The following STK31 variants were observed in gnomAD, a reference collection of about 807,000 sequenced individuals.
STK31 encodes the protein serine/threonine-protein kinase 31.
In STK31, 89 loss-of-function variants were observed where a neutral mutation model predicts 129.7. That is an observed-to-expected ratio of 0.69 (90% CI 0.58 to 0.82). The LOEUF (loss-of-function observed/expected upper bound fraction) is 0.82. Among genes scored for constraint, STK31 ranks in the 40% least tolerant of loss-of-function variants. The pLI is 0.00. For missense variants in STK31, 1,187 were observed against 1,176.4 expected, an observed-to-expected ratio of 1.01 and a Z score of -0.13; for synonymous variants, 448 against 395.3, an observed-to-expected ratio of 1.13 and a Z score of -1.58.
chr7:23,724,313 C>T (rs1048547060), intron 4 of STK31, among the ~76,000 whole-genome samples: 1 of 152,128 alleles, frequency 6.6e-6, no homozygotes, highest in African/African-American at 2.4e-5. Flanking sequence ...CAACTCCTTG[C>T]GGAAGGAGGT....
At chr7:23,733,187 A>C (rs1287816514) in intron 6 of STK31, among the ~76,000 whole-genome samples, 3 of 152,228 alleles carry the variant, frequency 2.0e-5, no homozygotes, top group African/African-American at 7.2e-5. Flanking sequence ...TAGGAATTTT[A>C]TGCCTTGAAA....
chr7:23,785,557 G>A lies in STK31; in HGVS notation c.2228G>A (p.Arg743His), dbSNP rs757376596. The A allele has an allele frequency of 3.1e-6, 5 of 1,613,900 alleles. No homozygotes were observed. The highest frequency in any genetic ancestry group is 1.1e-5 in the South Asian group (1 of 91,086). ...CCCATGAAGGAACTTAGCAGCAAGC[G>A]TCCTTTGGTACGTTCTGAGGTTAAT... ...AEPMKELSSK[R>H]PLVRSEVNGQ... Residue 743 changes from arginine (R) to histidine (H), a missense_variant, in exon 18 of 24, where the codon CGT (arginine) becomes CAT (histidine). Arg to His is a conservative substitution (Grantham distance 29). This residue lies in a region of STK31 where 975 missense variants were observed against 934.9 expected (regional missense o/e 1.04). Coordinates refer to ENST00000355870, the MANE Select transcript of STK31 (RefSeq NM_031414.5).
At position 23,729,075 on chromosome 7, in the gene STK31, C is replaced by G; in HGVS notation, c.325-16C>G. ...ATCTGGGGTCAGTATTCGTATTTGT[C>G]TCTTATTTTTTCCAGTGTCTGGTGA... On this transcript the variant is annotated splice_polypyrimidine_tract_variant and intron_variant, in intron 5 of 23. Coordinates refer to ENST00000355870, the MANE Select transcript of STK31 (RefSeq NM_031414.5). 1 of 1,579,186 alleles carries G rather than the reference C, an allele frequency of 6.3e-7. No homozygotes were observed. Among genetic ancestry groups the G allele is most frequent in the Non-Finnish European group, 8.6e-7 (1 of 1,168,150 alleles).
At chr7:23,754,175 A>T in intron 9 of STK31, 140 bp from the exon 10 acceptor site, 1 of 609,634 alleles carries the variant, frequency 1.6e-6, no homozygotes, top group Non-Finnish European at 2.6e-6. Flanking sequence ...ACATGATTTT[A>T]TATAAAGTTT....
intron 8 of STK31, among the ~76,000 whole-genome samples, chr7:23,737,830 T>C (rs1223287236): frequency 6.6e-6 from 1 of 151,870 alleles, no homozygotes; most frequent in Admixed American, 6.6e-5. Context: ...TTCAGAAATT[T>C]TCCCCCCCAG....
At chr7:23,797,579 A>G (rs1016319747) in intron 22 of STK31, among the ~76,000 whole-genome samples, 11 of 152,246 alleles carry the variant, frequency 7.2e-5, no homozygotes, top group Admixed American at 3.3e-4. Flanking sequence ...CAAAGACACA[A>G]TGTACCAGAA....
intron 11 of STK31, among the ~76,000 whole-genome samples, chr7:23,766,205 A>G (rs1344611939): frequency 6.6e-6 from 1 of 152,234 alleles, no homozygotes; most frequent in Non-Finnish European, 1.5e-5. Context: ...GCAAGTTCAA[A>G]GGCCATGTTT....
intron 22 of STK31, among the ~76,000 whole-genome samples, chr7:23,802,094 T>G (rs1157669996): frequency 1.3e-5 from 2 of 152,174 alleles, no homozygotes; most frequent in African/African-American, 4.8e-5. Context: ...AAAGGAAAAA[T>G]AGACCTAAAG....
chr7:23,754,450 G>C lies in STK31; in HGVS notation c.1269G>C (p.Glu423Asp), dbSNP rs1332527536. ...GGGCAGAATACAGTCTGGCTCAGGAGAATATTAAAACTTGTGAATATGTGG... is the reference window on the plus strand; with the variant it reads ...GGGCAGAATACAGTCTGGCTCAGGACAATATTAAAACTTGTGAATATGTGG... ...IIWAEYSLAQ[E>D]NIKTCEYVSE... The change falls in exon 10 of 24, where the codon GAG (glutamate) becomes GAC (aspartate). Residue 423 changes from glutamate (E) to aspartate (D), a missense_variant. Physicochemically the swap from Glu to Asp is conservative, Grantham distance 45. Around this residue, in one of 5 missense-constraint regions of STK31, gnomAD observed 975 missense variants for 934.9 expected, o/e 1.04. Transcript: ENST00000355870. The C allele has an allele frequency of 9.9e-6, 16 of 1,611,730 alleles. No individual in the cohort carries two copies. The highest frequency in any genetic ancestry group is 6.7e-5 in the Admixed American group (4 of 59,322).
intron 23 of STK31, 114 bp downstream of exon 23, chr7:23,815,326 A>G (rs759373314): frequency 4.1e-6 from 3 of 740,344 alleles, no homozygotes; most frequent in Non-Finnish European, 6.2e-6. Flanking sequence ...AACATTTGCA[A>G]TAAATGAAGT....
intron 17 of STK31, among the ~76,000 whole-genome samples, chr7:23,784,872 CAG>C (rs111244020): frequency 1.4e-4 from 22 of 152,266 alleles, no homozygotes; most frequent in African/African-American, 4.6e-4. Flanking sequence ...GGACTCCAAA[CAG>C]GGGCAGAGGT....
At chr7:23,777,600 AT>A (rs200049245) in intron 15 of STK31, among the ~76,000 whole-genome samples, 11 of 149,950 alleles carry the variant, frequency 7.3e-5, no homozygotes, top group African/African-American at 2.0e-4. Context: ...CTTTATTTTT[AT>A]TTTTTTTTAT....
At chr7:23,746,945 G>T (rs531078200) in intron 8 of STK31, among the ~76,000 whole-genome samples, 1 of 151,160 alleles carries the variant, frequency 6.6e-6, no homozygotes, top group African/African-American at 2.4e-5. Flanking sequence ...GTTATACAAG[G>T]TGTACCAGGC....
intron 10 of STK31, among the ~76,000 whole-genome samples, chr7:23,757,540 A>G (rs377483002): frequency 6.6e-6 from 1 of 152,172 alleles, no homozygotes; most frequent in Admixed American, 6.5e-5. Flanking sequence ...GTGCACATAC[A>G]TAAACATATC....
intron 22 of STK31, among the ~76,000 whole-genome samples, chr7:23,804,545 T>G (rs551313417): frequency 1.3e-5 from 2 of 152,342 alleles, no homozygotes; most frequent in African/African-American, 4.8e-5. Flanking sequence ...TTACCTCTCA[T>G]TTATGGCCCC....
At chr7:23,753,504 T>G (rs1562573227) in intron 9 of STK31, among the ~76,000 whole-genome samples, 1 of 151,966 alleles carries the variant, frequency 6.6e-6, no homozygotes, top group Non-Finnish European at 1.5e-5. Flanking sequence ...AATGAATGAG[T>G]GAATGAGTAT....
intron 8 of STK31, among the ~76,000 whole-genome samples, chr7:23,750,067 T>TC (rs1171568592): frequency 0.035 from 3,162 of 90,554 alleles, 527 homozygotes; most frequent in African/African-American, 0.088. Flanking sequence ...ATGGTTTGTT[T>TC]CCCCCCCCGC....
rs536714054 is a variant in STK31, at chr7:23,811,544, G to A, written c.2761-3600G>A. On this transcript the variant is annotated intron_variant, in intron 22 of 23. Transcript: ENST00000355870. ...GAGCAAGTCATCAATATTACCCTAT[G>A]TCTTACTGACCATCTTCCTCTCCCC... 4.3e-5 allele frequency: 10 copies of A among 234,774 alleles called. 2 individuals carry two copies. The South Asian group carries it at 7.5e-4, about 17-fold the overall frequency. 14.5% of individuals were successfully genotyped at this position (234,774 alleles called of 1,614,324 possible). A position where few individuals can be genotyped will look rare whatever the true frequency, so the allele number is the denominator to read the frequency against.
intron 23 of STK31, 40 bp downstream of exon 23, chr7:23,815,252 G>T: frequency 2.2e-6 from 3 of 1,342,212 alleles, no homozygotes; most frequent in Non-Finnish European, 3.1e-6. Context: ...TGAAACACAT[G>T]CAGTAATATA....
Sources: allele counts gnomAD v4.1 joint callset (sites outside exome capture counted in the v4.1 genomes callset), GRCh38; gene constraint gnomAD v4.1.1; regional missense constraint gnomAD v4.1.1; transcripts MANE v1.5; gene names NCBI Gene and HGNC (gene_info 2026-07-23, HGNC 2026-07-21).